Variants in DCDC2 observed in about 807,000 individuals in gnomAD.
The protein encoded by DCDC2 is doublecortin domain containing 2, also known as doublecortin domain-containing protein 2.
Under a neutral mutation model 50.2 loss-of-function variants are expected in DCDC2, and 40 were observed. The observed-to-expected ratio is 0.80, with a 90% CI of 0.62 to 1.04. DCDC2 has a LOEUF of 1.04. Among genes scored for constraint, DCDC2 ranks in the 50% least tolerant of loss-of-function variants. The pLI, the probability that DCDC2 is intolerant of heterozygous loss-of-function variation, is 0.00. For synonymous variants in DCDC2, 234 were observed against 210.6 expected, an observed-to-expected ratio of 1.11 and a Z score of -0.96; for missense variants, 570 against 581.9, an observed-to-expected ratio of 0.98 and a Z score of 0.21.
At chr6:24,312,289 C>G (rs932539905) in intron 2 of DCDC2, among the ~76,000 whole-genome samples, 24 of 152,114 alleles carry the variant, frequency 1.6e-4, no homozygotes, top group African/African-American at 5.8e-4. Flanking sequence ...CACACAAAGC[C>G]TGTTTGGTGG....
the DCDC2 span, among the ~76,000 whole-genome samples, chr6:24,365,229 A>C: frequency 4.9e-4 from 75 of 152,270 alleles, 1 homozygote; most frequent in East Asian, 0.014. Flanking sequence ...TGTAGCTTCC[A>C]TTTGCCTAAC....
At chr6:24,302,180 A>G (rs1759391576) in intron 2 of DCDC2, 136 bp from the exon 3 acceptor site, 1 of 690,060 alleles carries the variant, frequency 1.4e-6, no homozygotes, top group African/African-American at 1.8e-5. Flanking sequence ...TTTTCTCAGC[A>G]TTTCTGTAAA....
chr6:24,365,642 T>TA, the DCDC2 span: 2 of 152,124 alleles, frequency 1.3e-5, no homozygotes, highest in Non-Finnish European at 2.9e-5. Context: ...TTAAGAACAA[T>TA]AAAAAGGCTT....
intron 8 of DCDC2, among the ~76,000 whole-genome samples, chr6:24,199,243 C>T (rs895598279): frequency 1.2e-4 from 18 of 152,226 alleles, no homozygotes; most frequent in African/African-American, 3.6e-4. Flanking sequence ...GGTCAACAGA[C>T]ACCTCATAAC....
chr6:24,236,400 A>G (rs796315465), intron 7 of DCDC2, among the ~76,000 whole-genome samples: 7 of 152,318 alleles, frequency 4.6e-5, no homozygotes, highest in South Asian at 2.1e-4. Context: ...TTAACCCAAA[A>G]TGATTAAAGA....
At chr6:24,180,299 T>C (rs1761041149) in intron 8 of DCDC2, among the ~76,000 whole-genome samples, 1 of 152,088 alleles carries the variant, frequency 6.6e-6, no homozygotes, top group Admixed American at 6.5e-5. Flanking sequence ...TTTTGGTTTT[T>C]TTTGAGACAG....
At chr6:24,255,976 T>A (rs1047923272) in intron 7 of DCDC2, among the ~76,000 whole-genome samples, 1 of 152,018 alleles carries the variant, frequency 6.6e-6, no homozygotes, top group African/African-American at 2.4e-5. Context: ...AGCCCCAAAC[T>A]GGAAACAAGA....
chr6:24,353,903 T>A (rs1760418807), intron 1 of DCDC2, among the ~76,000 whole-genome samples: 1 of 152,110 alleles, frequency 6.6e-6, no homozygotes, highest in Non-Finnish European at 1.5e-5. Context: ...AGTTAGCTGC[T>A]TACTATATAC....
At chr6:24,250,293 A>C (rs1009149963) in intron 7 of DCDC2, among the ~76,000 whole-genome samples, 2 of 152,198 alleles carry the variant, frequency 1.3e-5, no homozygotes, top group Non-Finnish European at 2.9e-5. Context: ...TTGCAGGGCC[A>C]AAGGAGAAGA....
intron 7 of DCDC2, among the ~76,000 whole-genome samples, chr6:24,247,665 T>A (rs1475830292): frequency 2.0e-5 from 3 of 152,240 alleles, no homozygotes; most frequent in Non-Finnish European, 4.4e-5. Context: ...TATATCTTTA[T>A]CACGCACATG....
chr6:24,228,710 G>A (rs1286101685), intron 7 of DCDC2, among the ~76,000 whole-genome samples: 1 of 152,120 alleles, frequency 6.6e-6, no homozygotes, highest in Non-Finnish European at 1.5e-5. Context: ...TACTAACTTC[G>A]AATATTTCCT....
At chr6:24,352,053 G>A (rs940907942) in intron 2 of DCDC2, among the ~76,000 whole-genome samples, 11 of 152,108 alleles carry the variant, frequency 7.2e-5, no homozygotes, top group African/African-American at 2.4e-4. Context: ...GCAGTGAGCA[G>A]AGATCGAGCC....
At chr6:24,193,602 T>C (rs2113752776) in intron 8 of DCDC2, among the ~76,000 whole-genome samples, 1 of 152,210 alleles carries the variant, frequency 6.6e-6, no homozygotes, top group African/African-American at 2.4e-5. Context: ...GAAAAAGGGT[T>C]ACCCAAGAAA....
At chr6:24,199,653 G>C (rs868848702) in intron 8 of DCDC2, among the ~76,000 whole-genome samples, 2 of 152,118 alleles carry the variant, frequency 1.3e-5, no homozygotes, top group African/African-American at 4.8e-5. Flanking sequence ...AAACTGGATG[G>C]AGAATGAGTT....
chr6:24,244,212 T>TCTA (rs1466895105), intron 7 of DCDC2, among the ~76,000 whole-genome samples: 2 of 152,202 alleles, frequency 1.3e-5, no homozygotes, highest in Non-Finnish European at 2.9e-5. Flanking sequence ...TACTTAAAAA[T>TCTA]CTACTTCTAA....
At chr6:24,358,702 T>A (rs74542811), upstream of DCDC2, among the ~76,000 whole-genome samples, 372 of 74,300 alleles carry the variant, frequency 5.0e-3, 3 homozygotes, top group African/African-American at 8.1e-3. Flanking sequence ...ATATATATTT[T>A]TTTTATATAT....
intron 7 of DCDC2, among the ~76,000 whole-genome samples, chr6:24,230,267 A>G (rs1430848721): frequency 2.0e-5 from 3 of 152,170 alleles, no homozygotes; most frequent in Non-Finnish European, 4.4e-5. Flanking sequence ...GAACAGGATT[A>G]TTATCATGTA....
chr6:24,320,424 C>T (rs1759751090), intron 2 of DCDC2, among the ~76,000 whole-genome samples: 1 of 152,180 alleles, frequency 6.6e-6, no homozygotes, highest in African/African-American at 2.4e-5. Flanking sequence ...CTCTGCCTCC[C>T]AGGTTCGAGC....
At chr6:24,307,675 A>G (rs1013365544) in intron 2 of DCDC2, among the ~76,000 whole-genome samples, 2 of 152,206 alleles carry the variant, frequency 1.3e-5, no homozygotes, top group Non-Finnish European at 2.9e-5. Flanking sequence ...AAGACACCAG[A>G]CTAGAAAACA....
Sources: allele counts gnomAD v4.1 joint callset (sites outside exome capture counted in the v4.1 genomes callset), GRCh38; gene constraint gnomAD v4.1.1; transcripts MANE v1.5; gene names NCBI Gene and HGNC (gene_info 2026-07-23, HGNC 2026-07-21).